The following SNX13 variants were observed in gnomAD, a reference collection of about 807,000 sequenced individuals.
SNX13 encodes the protein sorting nexin 13.
SNX13 carries 45 observed loss-of-function variants against 133.6 expected under a neutral mutation model. That is an observed-to-expected ratio of 0.34 (90% CI 0.27 to 0.43). SNX13 has a LOEUF of 0.43. SNX13 is among the 20% of genes least tolerant of loss of function. The pLI, the probability that SNX13 is intolerant of heterozygous loss-of-function variation, is 1.00. For synonymous variants in SNX13, 414 were observed against 373.9 expected, an observed-to-expected ratio of 1.11 and a Z score of -1.24; for missense variants, 1,032 against 1,145.1, an observed-to-expected ratio of 0.90 and a Z score of 1.43.
chr7:17,847,369 T>C (rs1790669084), intron 11 of SNX13, among the ~76,000 whole-genome samples: 1 of 152,160 alleles, frequency 6.6e-6, no homozygotes, highest in South Asian at 2.1e-4. Flanking sequence ...GTCGCTCTTG[T>C]TGCCCAGGCT....
chr7:17,893,014 T>C lies in SNX13; in HGVS notation c.228+318A>G, dbSNP rs191655242. Among the ~76,000 whole-genome samples the C allele has an allele frequency of 1.6e-4, 24 of 152,304 alleles. No homozygotes were observed. In the East Asian group the frequency reaches 4.6e-3, roughly 29 times the overall value. ...TATTTCATTCAAACCAGAATACTCA[T>C]TGACATTGTTAAAAATCATATGCAT... is the stretch of plus-strand genomic sequence containing the variant. On this transcript the variant is annotated intron_variant, in intron 3 of 25. Transcript: ENST00000428135.
chr7:17,900,687 G>A (rs1194739403), intron 1 of SNX13, among the ~76,000 whole-genome samples: 1 of 151,654 alleles, frequency 6.6e-6, no homozygotes, highest in Non-Finnish European at 1.5e-5. Context: ...TGCCAGGCCT[G>A]GGACTCTCCC....
chr7:17,885,982 T>G (rs1205946158), intron 5 of SNX13, among the ~76,000 whole-genome samples: 2 of 152,214 alleles, frequency 1.3e-5, no homozygotes, highest in African/African-American at 4.8e-5. Flanking sequence ...AAATTTCATA[T>G]AGCAAAGAAT....
chr7:17,876,559 A>G (rs1424177585), intron 5 of SNX13, among the ~76,000 whole-genome samples: 1 of 143,864 alleles, frequency 7.0e-6, no homozygotes, highest in Admixed American at 7.0e-5. Flanking sequence ...GAGCCTGGGA[A>G]CAGAGCTATC....
At chr7:17,890,699 G>A (rs1796530094) in intron 4 of SNX13, among the ~76,000 whole-genome samples, 1 of 151,174 alleles carries the variant, frequency 6.6e-6, no homozygotes, top group Non-Finnish European at 1.5e-5. Flanking sequence ...CTTACCTACT[G>A]CCTAGATTTA....
At chr7:17,906,798 G>A (rs1798448914) in intron 1 of SNX13, among the ~76,000 whole-genome samples, 1 of 152,118 alleles carries the variant, frequency 6.6e-6, no homozygotes, top group Non-Finnish European at 1.5e-5. Context: ...CAACAGAAGA[G>A]CCAAAGGTCA....
chr7:17,814,744 C>A, intron 20 of SNX13, 90 bp downstream of exon 20: 1 of 1,105,134 alleles, frequency 9.0e-7, no homozygotes, highest in Non-Finnish European at 1.2e-6. Context: ...TTAAAACACA[C>A]GTACAAATCT....
At chr7:17,814,257 A>G (rs759463921) in intron 20 of SNX13, among the ~76,000 whole-genome samples, 18 of 152,214 alleles carry the variant, frequency 1.2e-4, no homozygotes, top group Admixed American at 2.0e-4. Context: ...AACATGCTCA[A>G]GGTCACAGCT....
chr7:17,936,309 T>C (rs1302308278), intron 1 of SNX13, among the ~76,000 whole-genome samples: 1 of 152,212 alleles, frequency 6.6e-6, no homozygotes, highest in Non-Finnish European at 1.5e-5. Context: ...AGTGCTGCAT[T>C]TTTTGCCTTT....
intron 1 of SNX13, among the ~76,000 whole-genome samples, chr7:17,901,270 G>A (rs188479972): frequency 1.8e-4 from 28 of 152,258 alleles, no homozygotes; most frequent in Non-Finnish European, 3.8e-4. Context: ...CCTGCAAGCT[G>A]CACTACTTGG....
intron 9 of SNX13, among the ~76,000 whole-genome samples, chr7:17,859,724 T>C (rs182487122): frequency 6.6e-4 from 101 of 152,276 alleles, no homozygotes; most frequent in African/African-American, 1.9e-3. Flanking sequence ...TACTAAGAGT[T>C]TGACTACTCA....
intron 8 of SNX13, among the ~76,000 whole-genome samples, chr7:17,871,920 C>T (rs765545085): frequency 6.6e-6 from 1 of 152,060 alleles, no homozygotes; most frequent in Admixed American, 6.5e-5. Flanking sequence ...GACTTGAGAT[C>T]TGAAAAATTT....
At chr7:17,826,626 C>T (rs1364671954) in intron 16 of SNX13, among the ~76,000 whole-genome samples, 3 of 151,984 alleles carry the variant, frequency 2.0e-5, no homozygotes, top group Non-Finnish European at 4.4e-5. Context: ...AATATAACAA[C>T]TGTTAGCTAT....
Position 17,820,975 on chromosome 7 carries a change from A to G in SNX13, c.1845+534T>C, listed in dbSNP as rs540750302. ...GAGTACTTTTAAATTATTTCTATAA[A>G]ACAAGAGGGTTGTATTTAATAAGAA... On this transcript the variant is annotated intron_variant, in intron 18 of 25. Coordinates refer to ENST00000428135, the MANE Select transcript of SNX13 (RefSeq NM_015132.5). Among the ~76,000 whole-genome samples the G allele has an allele frequency of 4.6e-5, 7 of 152,254 alleles. No homozygotes were observed. In the South Asian group the frequency reaches 1.2e-3, roughly 27 times the overall value.
chr7:17,864,274 A>C (rs549586053), intron 9 of SNX13, among the ~76,000 whole-genome samples: 10 of 152,202 alleles, frequency 6.6e-5, no homozygotes, highest in Non-Finnish European at 1.3e-4. Flanking sequence ...AAGCTCAAAG[A>C]ATTTCAAGAT....
chr7:17,819,991 G>T (rs1787109130), intron 18 of SNX13, among the ~76,000 whole-genome samples: 1 of 152,026 alleles, frequency 6.6e-6, no homozygotes, highest in African/African-American at 2.4e-5. Flanking sequence ...AAATTGTGCT[G>T]TATCAATTTC....
chr7:17,875,164 C>T (rs1317707028), intron 7 of SNX13, among the ~76,000 whole-genome samples: 1 of 151,966 alleles, frequency 6.6e-6, no homozygotes, highest in African/African-American at 2.4e-5. Context: ...GACAGGGTTT[C>T]GCCATGTTGC....
intron 15 of SNX13, chr7:17,832,053 A>T (rs1350892561): frequency 1.0e-6 from 1 of 983,422 alleles, no homozygotes; most frequent in Non-Finnish European, 1.2e-6. Context: ...GCAATGTCCT[A>T]GAAAGACAAT....
intron 17 of SNX13, among the ~76,000 whole-genome samples, chr7:17,823,588 T>G (rs1787547430): frequency 2.6e-5 from 4 of 152,192 alleles, no homozygotes; most frequent in Non-Finnish European, 5.9e-5. Context: ...TTATCACTGT[T>G]TCTGATTTAA....
Sources: allele counts gnomAD v4.1 joint callset (sites outside exome capture counted in the v4.1 genomes callset), GRCh38; gene constraint gnomAD v4.1.1; transcripts MANE v1.5; gene names NCBI Gene and HGNC (gene_info 2026-07-23, HGNC 2026-07-21).